MBNL1: variants seen among roughly 807,000 people sequenced by gnomAD.
The protein encoded by MBNL1 is muscleblind like splicing regulator 1, also known as muscleblind-like protein 1.
A neutral mutation model predicts 42.2 loss-of-function variants in MBNL1; 8 were observed. The ratio of observed to expected loss-of-function variants is 0.19; its 90% confidence interval spans 0.11 to 0.34. The LOEUF (loss-of-function observed/expected upper bound fraction) is 0.34. Among genes scored for constraint, MBNL1 ranks in the 10% least tolerant of loss-of-function variants. MBNL1 has a pLI of 1.00. For synonymous variants in MBNL1, 169 were observed against 173.9 expected (o/e 0.97, Z 0.22); for missense variants, 309 against 495.3 (o/e 0.62, Z 3.57).
At chr3:152,308,812 T>C (rs959032351) in intron 2 of MBNL1, among the ~76,000 whole-genome samples, 1 of 152,124 alleles carries the variant, frequency 6.6e-6, no homozygotes, top group African/African-American at 2.4e-5. Flanking sequence ...AATTTTTGTT[T>C]TGTTTTGTTT....
chr3:152,359,703 A>G (rs997376067), intron 2 of MBNL1, among the ~76,000 whole-genome samples: 1 of 152,222 alleles, frequency 6.6e-6, no homozygotes, highest in Non-Finnish European at 1.5e-5. Flanking sequence ...ATGGTTCTAG[A>G]TATCTCTGAT....
At chr3:152,419,050 T>C (rs540797271) in intron 3 of MBNL1, among the ~76,000 whole-genome samples, 105 of 152,208 alleles carry the variant, frequency 6.9e-4, no homozygotes, top group Middle Eastern at 3.4e-3. Flanking sequence ...TCTCATTTCA[T>C]AAGATGAGAA....
intron 2 of MBNL1, among the ~76,000 whole-genome samples, chr3:152,371,704 C>T (rs918409400): frequency 6.6e-6 from 1 of 152,146 alleles, no homozygotes; most frequent in Admixed American, 6.5e-5. Flanking sequence ...GTGGATAACC[C>T]GACCTTTCTC....
At chr3:152,265,717 C>T (rs1179776667), upstream of MBNL1, 2 of 152,110 alleles carry the variant, frequency 1.3e-5, no homozygotes, top group Non-Finnish European at 2.9e-5. Flanking sequence ...CTGCAGTGAA[C>T]ACTCTTTCCT....
At chr3:152,255,763 G>A (rs905826888) in intron 2 of MBNL1, among the ~76,000 whole-genome samples, 3 of 152,140 alleles carry the variant, frequency 2.0e-5, no homozygotes, top group South Asian at 4.1e-4. Context: ...TCATCTTTAC[G>A]TAGGTGGTCT....
chr3:152,389,053 G>T (rs944522623), intron 2 of MBNL1, among the ~76,000 whole-genome samples: 1 of 152,048 alleles, frequency 6.6e-6, no homozygotes, highest in Non-Finnish European at 1.5e-5. Flanking sequence ...TTTAAATGGG[G>T]ATCAGTCTTT....
intron 2 of MBNL1, among the ~76,000 whole-genome samples, chr3:152,252,541 A>G (rs1488286800): frequency 2.0e-5 from 3 of 152,024 alleles, no homozygotes; most frequent in Non-Finnish European, 2.9e-5. Context: ...TTATTGATAC[A>G]GTTCAAAAAT....
At chr3:152,406,650 G>GA (rs34227599) in intron 2 of MBNL1, among the ~76,000 whole-genome samples, 2 of 151,812 alleles carry the variant, frequency 1.3e-5, no homozygotes, top group South Asian at 2.1e-4. Context: ...GTTCTCTGGG[G>GA]AAAAAAAAGT....
At chr3:152,265,925 T>C (rs1338353111), upstream of MBNL1, 1 of 152,246 alleles carries the variant, frequency 6.6e-6, no homozygotes, top group Non-Finnish European at 1.5e-5. Flanking sequence ...GAGGAACTAT[T>C]AACTTTTTAT....
Position 152,362,052 on chromosome 3 carries a change from A to G in MBNL1, c.175-52889A>G, listed in dbSNP as rs190196654. Among the ~76,000 whole-genome samples the G allele has an allele frequency of 1.7e-4, 26 of 152,346 alleles. No homozygotes were observed. The East Asian group carries it at 3.7e-3, about 21-fold the overall frequency. On this transcript the variant is annotated intron_variant, in intron 2 of 9. Transcript: ENST00000324210. ...TATAATTAGACACCTGGCTTTGTAAAAGGACTAGATGTCATTTAGAGCATT... is the reference window on the plus strand; with the variant it reads ...TATAATTAGACACCTGGCTTTGTAAGAGGACTAGATGTCATTTAGAGCATT...
intron 2 of MBNL1, among the ~76,000 whole-genome samples, chr3:152,309,312 A>T (rs1280932856): frequency 6.6e-6 from 1 of 152,200 alleles, no homozygotes; most frequent in African/African-American, 2.4e-5. Context: ...TTAACCCTAG[A>T]TCACAATTTT....
At chr3:152,438,531 C>T (rs930400589) in intron 4 of MBNL1, among the ~76,000 whole-genome samples, 4 of 152,194 alleles carry the variant, frequency 2.6e-5, no homozygotes, top group African/African-American at 9.7e-5. Context: ...TAAAATACAG[C>T]ATCTTGGTTA....
chr3:152,415,965 A>T (rs558722875), intron 3 of MBNL1, among the ~76,000 whole-genome samples: 228 of 152,342 alleles, frequency 1.5e-3, no homozygotes, highest in Non-Finnish European at 3.0e-3. Flanking sequence ...TCTACATTTA[A>T]ATTCAAATGC....
At chr3:152,272,662 G>A (rs1158008127) in intron 1 of MBNL1, among the ~76,000 whole-genome samples, 1 of 152,036 alleles carries the variant, frequency 6.6e-6, no homozygotes, top group African/African-American at 2.4e-5. Flanking sequence ...TTTACCTGCA[G>A]ATAGGAGGGT....
At chr3:152,375,539 C>G (rs1328851908) in intron 2 of MBNL1, among the ~76,000 whole-genome samples, 1 of 152,110 alleles carries the variant, frequency 6.6e-6, no homozygotes, top group Non-Finnish European at 1.5e-5. Context: ...CACTTGAGGC[C>G]AGAGTTCAAG....
At position 152,422,637 on chromosome 3, in the gene MBNL1, CA is replaced by C. The variant is rs2098826209; in HGVS notation, c.345+7527del. Among the ~76,000 whole-genome samples, 5 of 152,332 alleles carry C rather than the reference CA, an allele frequency of 3.3e-5. No homozygotes were observed. In the South Asian group the frequency reaches 1.0e-3, roughly 32 times the overall value. ...TACAGGACTCTCCACCCCAAATCAA[CA>C]GAATATACATTCTTCTTAGCACCAC... On this transcript the variant is annotated intron_variant, in intron 3 of 9. Transcript: ENST00000324210.
chr3:152,256,196 T>A (rs1352537965), intron 2 of MBNL1, among the ~76,000 whole-genome samples: 1 of 152,138 alleles, frequency 6.6e-6, no homozygotes, highest in Non-Finnish European at 1.5e-5. Context: ...ATTATTACAT[T>A]TAGGTGAATT....
chr3:152,407,833 C>T (rs1318779108), intron 2 of MBNL1, among the ~76,000 whole-genome samples: 1 of 152,042 alleles, frequency 6.6e-6, no homozygotes. Flanking sequence ...TTTGCAGGGA[C>T]ATGAATGGAG....
intron 6 of MBNL1, chr3:152,449,130 A>T (rs1716465020): frequency 1.3e-5 from 2 of 152,152 alleles, no homozygotes; most frequent in South Asian, 4.1e-4. Context: ...CCCAACAAAC[A>T]ATCCATCAGT....
Sources: gnomAD v4.1 joint callset for allele counts (sites outside exome capture counted in the v4.1 genomes callset) on GRCh38, gnomAD v4.1.1 for gene constraint, MANE v1.5 for transcripts, NCBI Gene and HGNC (gene_info 2026-07-23, HGNC 2026-07-21) for gene names.